The following CSNK1A1 variants were observed in gnomAD, a reference collection of about 807,000 sequenced individuals.
The protein encoded by CSNK1A1 is casein kinase 1 alpha 1.
CSNK1A1 carries 7 observed loss-of-function variants against 46.1 expected under a neutral mutation model. The observed-to-expected ratio is 0.15, with a 90% CI of 0.09 to 0.29. The LOEUF (loss-of-function observed/expected upper bound fraction) is 0.29, where lower values mean the gene tolerates loss of function less well. Among genes scored for constraint, CSNK1A1 ranks in the 10% least tolerant of loss-of-function variants. The pLI is 1.00. For synonymous variants in CSNK1A1, 137 were observed against 141.5 expected (o/e 0.97, Z 0.23); for missense variants, 96 against 417.1 (o/e 0.23, Z 6.71).
At chr5:149,501,137 A>G in intron 9 of CSNK1A1, 1 of 985,460 alleles carries the variant, frequency 1.0e-6, no homozygotes, top group South Asian at 4.7e-5. Context: ...TGATCTAACA[A>G]GTTGCAGAAT....
intron 3 of CSNK1A1, among the ~76,000 whole-genome samples, chr5:149,521,816 CA>C (rs1761579847): frequency 6.6e-6 from 1 of 151,990 alleles, no homozygotes; most frequent in Non-Finnish European, 1.5e-5. Context: ...AGGGTTTCAC[CA>C]TGTTGGTTTC....
chr5:149,518,781 T>A (rs1405206691), intron 4 of CSNK1A1, among the ~76,000 whole-genome samples: 2 of 151,126 alleles, frequency 1.3e-5, no homozygotes, highest in Non-Finnish European at 3.0e-5. Flanking sequence ...ATTAACAAGC[T>A]ATTCTTAAGG....
In CSNK1A1 at chr5:149,499,967, C is replaced by CTTTTTTTTTT. The variant is rs1162496799; in HGVS notation, c.1007-3117_1007-3108dup. ...GTTGTGGGGTTTTTTTTCTTTTTTTCTTTTTTTTTTTTTTTTTTTGAGACG... is the reference window on the plus strand; with the variant it reads ...GTTGTGGGGTTTTTTTTCTTTTTTTCTTTTTTTTTTTTTTTTTTTTTTTTTTTTTGAGACG... On this transcript the variant is annotated intron_variant, in intron 9 of 9. Transcript: ENST00000377843. 3.3e-3 allele frequency among the ~76,000 whole-genome samples: 260 copies of CTTTTTTTTTT among 77,682 alleles called. 1 individual carries two copies. Among genetic ancestry groups the CTTTTTTTTTT allele is most frequent in the African/African-American group, 7.1e-3 (166 of 23,414 alleles). The allele number at this position is 77,682 out of a possible 152,430, so 51.0% of individuals were successfully genotyped here. A position where few individuals can be genotyped will look rare whatever the true frequency, so the allele number is the denominator to read the frequency against.
chr5:149,502,418 T>C (rs894082502), intron 9 of CSNK1A1: 5 of 579,954 alleles, frequency 8.6e-6, no homozygotes, highest in Non-Finnish European at 1.1e-5. Flanking sequence ...ACAGCTCTCA[T>C]TGCAGCCTCA....
intron 2 of CSNK1A1, among the ~76,000 whole-genome samples, chr5:149,541,309 T>A (rs769351164): frequency 1.3e-5 from 2 of 151,652 alleles, no homozygotes; most frequent in African/African-American, 4.8e-5. Context: ...CCTGCCACCA[T>A]GGCCAGCTAA....
intron 9 of CSNK1A1, chr5:149,501,478 G>A (rs2113053545): frequency 2.0e-6 from 2 of 985,466 alleles, no homozygotes; most frequent in Non-Finnish European, 2.4e-6. Context: ...AACGGTAGAT[G>A]CAGCCCAGTA....
At chr5:149,519,445 C>CT (rs1761500162) in intron 4 of CSNK1A1, among the ~76,000 whole-genome samples, 1 of 152,146 alleles carries the variant, frequency 6.6e-6, no homozygotes, top group Admixed American at 6.5e-5. Context: ...TCACAACATG[C>CT]TTAGTGCATT....
chr5:149,516,190 C>T (rs1478634247), intron 4 of CSNK1A1, among the ~76,000 whole-genome samples: 1 of 152,064 alleles, frequency 6.6e-6, no homozygotes, highest in African/African-American at 2.4e-5. Flanking sequence ...CATGGTGGCG[C>T]ATACCTGTAA....
intron 2 of CSNK1A1, among the ~76,000 whole-genome samples, chr5:149,535,338 A>C (rs1762030641): frequency 6.6e-6 from 1 of 152,148 alleles, no homozygotes; most frequent in South Asian, 2.1e-4. Flanking sequence ...GCCTAGGCTC[A>C]GTTCTGTATT....
chr5:149,529,908 T>C (rs1761837900), intron 2 of CSNK1A1, among the ~76,000 whole-genome samples: 1 of 152,178 alleles, frequency 6.6e-6, no homozygotes, highest in South Asian at 2.1e-4. Flanking sequence ...GTTTGCTTTT[T>C]TCTGAAAAAT....
At chr5:149,498,302 A>C (rs1415984684) in intron 9 of CSNK1A1, 3 of 985,290 alleles carry the variant, frequency 3.0e-6, no homozygotes, top group Non-Finnish European at 3.6e-6. Context: ...CTGGGTACTA[A>C]GTCCATAAGC....
At chr5:149,545,556 G>C in intron 2 of CSNK1A1, 3 of 690,554 alleles carry the variant, frequency 4.3e-6, no homozygotes, top group Non-Finnish European at 7.9e-6. Flanking sequence ...GGACAATGTA[G>C]GCAAGTCAAT....
intron 4 of CSNK1A1, among the ~76,000 whole-genome samples, chr5:149,520,044 T>C (rs1360625536): frequency 6.6e-6 from 1 of 152,236 alleles, no homozygotes; most frequent in Non-Finnish European, 1.5e-5. Context: ...CAGTTCATTA[T>C]ACAGCCCTTA....
chr5:149,527,036 G>C (rs1024364458), intron 2 of CSNK1A1, among the ~76,000 whole-genome samples: 2 of 151,994 alleles, frequency 1.3e-5, no homozygotes, highest in Non-Finnish European at 2.9e-5. Context: ...TGCAGAAAAA[G>C]ATAACCCAGT....
intron 3 of CSNK1A1, among the ~76,000 whole-genome samples, chr5:149,520,941 A>G (rs902529415): frequency 6.6e-6 from 1 of 152,196 alleles, no homozygotes; most frequent in African/African-American, 2.4e-5. Context: ...TAAACATGCC[A>G]TTCTTAAAAG....
intron 2 of CSNK1A1, among the ~76,000 whole-genome samples, chr5:149,526,608 A>G (rs975176917): frequency 6.6e-6 from 1 of 152,226 alleles, no homozygotes; most frequent in African/African-American, 2.4e-5. Context: ...ATGAGGATTT[A>G]ATCTTTTAAG....
At chr5:149,503,616 A>T (rs1760940201) in intron 9 of CSNK1A1, 1 of 985,160 alleles carries the variant, frequency 1.0e-6, no homozygotes, top group Non-Finnish European at 1.2e-6. Context: ...GCTACAATAC[A>T]AAATAAGGAT....
chr5:149,524,740 T>C (rs1427751305), intron 3 of CSNK1A1, among the ~76,000 whole-genome samples: 1 of 152,194 alleles, frequency 6.6e-6, no homozygotes, highest in African/African-American at 2.4e-5. Flanking sequence ...AACAATTATA[T>C]GCATACATAC....
At chr5:149,547,135 C>T (rs980314799) in intron 2 of CSNK1A1, among the ~76,000 whole-genome samples, 1 of 152,146 alleles carries the variant, frequency 6.6e-6, no homozygotes, top group African/African-American at 2.4e-5. Flanking sequence ...GATGCCTTAC[C>T]AAACCAGTTC....
Sources: allele counts gnomAD v4.1 joint callset (sites outside exome capture counted in the v4.1 genomes callset), GRCh38; gene constraint gnomAD v4.1.1; transcripts MANE v1.5; gene names NCBI Gene and HGNC (gene_info 2026-07-23, HGNC 2026-07-21).